The following PRKG1 variants were observed in gnomAD, a reference collection of about 807,000 sequenced individuals.
PRKG1 encodes the protein protein kinase cGMP-dependent 1.
Under a neutral mutation model 88.1 loss-of-function variants are expected in PRKG1, and 35 were observed. The ratio of observed to expected loss-of-function variants is 0.40; its 90% CI spans 0.30 to 0.53. The LOEUF (loss-of-function observed/expected upper bound fraction) is 0.53, where lower values mean the gene tolerates loss of function less well. Among genes scored for constraint, PRKG1 ranks in the 20% least tolerant of loss-of-function variants. The probability of loss-of-function intolerance (pLI) is 0.59; values close to 1 mark genes in which losing one functional copy is unlikely to be tolerated. For missense variants in PRKG1, 540 were observed against 839.8 expected (o/e 0.64, Z 4.41); for synonymous variants, 303 against 292.5 (o/e 1.04, Z -0.37).
At chr10:52,230,377 C>T (rs568910025) in intron 9 of PRKG1, among the ~76,000 whole-genome samples, 1 of 152,298 alleles carries the variant, frequency 6.6e-6, no homozygotes, top group African/African-American at 2.4e-5. Flanking sequence ...AAATAATGAT[C>T]ATCTTTTATT....
intron 2 of PRKG1, among the ~76,000 whole-genome samples, chr10:51,461,916 G>T (rs932360407): frequency 5.3e-5 from 8 of 152,116 alleles, no homozygotes; most frequent in Non-Finnish European, 8.8e-5. Flanking sequence ...CATCTAAAAT[G>T]ACCCTGCAAG....
At chr10:51,689,520 A>G (rs1841083689) in intron 3 of PRKG1, among the ~76,000 whole-genome samples, 1 of 152,206 alleles carries the variant, frequency 6.6e-6, no homozygotes, top group South Asian at 2.1e-4. Context: ...TAGAAGAACC[A>G]TTATGCTTTG....
chr10:52,169,962 G>C (rs892142651), intron 9 of PRKG1, among the ~76,000 whole-genome samples: 1 of 152,046 alleles, frequency 6.6e-6, no homozygotes, highest in Non-Finnish European at 1.5e-5. Context: ...CCATCTCCAC[G>C]GATAAGGTTT....
chr10:51,862,038 G>A (rs982065643), intron 4 of PRKG1, among the ~76,000 whole-genome samples: 11 of 152,308 alleles, frequency 7.2e-5, no homozygotes, highest in African/African-American at 1.9e-4. Flanking sequence ...CAGCAACCAC[G>A]GAGTCCCAAA....
chr10:52,059,916 G>A (rs1313540361), intron 6 of PRKG1, among the ~76,000 whole-genome samples: 4 of 151,840 alleles, frequency 2.6e-5, no homozygotes, highest in Non-Finnish European at 5.9e-5. Context: ...GAAAATGTTC[G>A]AGTCTTTTAA....
chr10:51,814,776 T>TA (rs1469392255), intron 4 of PRKG1, among the ~76,000 whole-genome samples: 1 of 152,070 alleles, frequency 6.6e-6, no homozygotes, highest in Non-Finnish European at 1.5e-5. Flanking sequence ...CATTTTTTAT[T>TA]AAAAAAAGAA....
chr10:51,826,222 G>A (rs1226183458), intron 4 of PRKG1, among the ~76,000 whole-genome samples: 1 of 152,054 alleles, frequency 6.6e-6, no homozygotes, highest in African/African-American at 2.4e-5. Context: ...CTGAATATGA[G>A]GAGAGTCCCA....
chr10:51,817,709 AT>A (rs1341117037), intron 4 of PRKG1, among the ~76,000 whole-genome samples: 1 of 152,192 alleles, frequency 6.6e-6, no homozygotes, highest in Non-Finnish European at 1.5e-5. Flanking sequence ...CTGGATAAAA[AT>A]ATGACAAAAT....
intron 3 of PRKG1, among the ~76,000 whole-genome samples, chr10:51,714,297 A>G (rs1436986683): frequency 1.3e-5 from 2 of 151,944 alleles, no homozygotes; most frequent in Non-Finnish European, 2.9e-5. Context: ...TATTTTTTAC[A>G]CTTATATAGG....
intron 1 of PRKG1, among the ~76,000 whole-genome samples, chr10:51,140,579 G>A (rs1041629595): frequency 6.6e-6 from 1 of 152,132 alleles, no homozygotes; most frequent in Non-Finnish European, 1.5e-5. Context: ...GGAGGATTAG[G>A]TGAGATAACA....
chr10:51,210,309 C>T (rs1047069319), intron 2 of PRKG1, among the ~76,000 whole-genome samples: 1 of 151,898 alleles, frequency 6.6e-6, no homozygotes, highest in African/African-American at 2.4e-5. Flanking sequence ...GGGACACATT[C>T]AAAGCAGTGT....
chr10:51,729,801 T>C (rs1842229637), intron 3 of PRKG1, among the ~76,000 whole-genome samples: 1 of 145,184 alleles, frequency 6.9e-6, no homozygotes, highest in South Asian at 2.2e-4. Context: ...ACTGAAAAAG[T>C]AGAATGAGTG....
At chr10:51,588,748 A>C (rs941359347) in intron 3 of PRKG1, among the ~76,000 whole-genome samples, 1 of 152,202 alleles carries the variant, frequency 6.6e-6, no homozygotes, top group African/African-American at 2.4e-5. Context: ...GGTTATTAAG[A>C]GGATAATCCG....
intron 3 of PRKG1, among the ~76,000 whole-genome samples, chr10:51,609,083 CTTTAA>C (rs988701537): frequency 3.3e-5 from 5 of 151,178 alleles, no homozygotes; most frequent in African/African-American, 9.7e-5. Flanking sequence ...TTATTTTTTT[CTTTAA>C]TTTATTTATT....
intron 7 of PRKG1, among the ~76,000 whole-genome samples, chr10:52,110,076 T>TACTACA (rs1244365799): frequency 1.3e-5 from 2 of 151,970 alleles, no homozygotes; most frequent in Non-Finnish European, 2.9e-5. Flanking sequence ...CCGGGCGCCG[T>TACTACA]GGCTCACGCC....
chr10:51,459,744 T>G (rs2860093), intron 2 of PRKG1, among the ~76,000 whole-genome samples: 56 of 152,118 alleles, frequency 3.7e-4, no homozygotes, highest in African/African-American at 1.4e-3. Flanking sequence ...AAGGATGTTA[T>G]TCTAACATCA....
At chr10:51,412,676 C>T (rs1250610785) in intron 2 of PRKG1, among the ~76,000 whole-genome samples, 1 of 151,888 alleles carries the variant, frequency 6.6e-6, no homozygotes, top group African/African-American at 2.4e-5. Flanking sequence ...TAAAATGAAA[C>T]CATCCTAAGG....
chr10:51,498,844 T>G (rs1392505826), intron 3 of PRKG1, among the ~76,000 whole-genome samples: 2 of 152,002 alleles, frequency 1.3e-5, no homozygotes, highest in Non-Finnish European at 2.9e-5. Context: ...TAATACTCTT[T>G]CTTCATGTTT....
intron 8 of PRKG1, 143 bp from the exon 9 acceptor site, chr10:52,161,746 T>C (rs1564495979): frequency 2.9e-6 from 2 of 686,866 alleles, no homozygotes; most frequent in East Asian, 2.8e-5. Flanking sequence ...ATGTCTGACA[T>C]GCTTCTTATT....
Sources: gnomAD v4.1 joint callset for allele counts (sites outside exome capture counted in the v4.1 genomes callset) on GRCh38, gnomAD v4.1.1 for gene constraint, MANE v1.5 for transcripts, NCBI Gene and HGNC (gene_info 2026-07-23, HGNC 2026-07-21) for gene names.